EDC3: variants seen among roughly 807,000 people sequenced by gnomAD.
EDC3 encodes the protein enhancer of mRNA-decapping protein 3.
In EDC3, 20 loss-of-function variants were observed where a neutral mutation model predicts 41.8. The observed-to-expected ratio is 0.48, with a 90% confidence interval of 0.34 to 0.70. EDC3 has a LOEUF of 0.70. EDC3 is among the 30% of genes least tolerant of loss of function. The pLI, the probability that EDC3 is intolerant of heterozygous loss-of-function variation, is 0.01. For missense variants in EDC3, 444 were observed against 636.8 expected, an observed-to-expected ratio of 0.70 and a Z score of 3.26; for synonymous variants, 206 against 243.2, an observed-to-expected ratio of 0.85 and a Z score of 1.42.
chr15:74,655,920 A>C lies in EDC3; in HGVS notation c.633T>G (p.Ala211=), dbSNP rs138195822. 737 of 1,614,132 alleles carry C rather than the reference A, an allele frequency of 4.6e-4. 7 individuals are homozygous for C. The highest frequency in any genetic ancestry group is 1.1e-4 in the Non-Finnish European group (135 of 1,180,030). ...DTDFDFEGNL[A]LFDKAAVFEE... ...CAAACACAGCTGCCTTGTCAAAAAG[A>C]GCCAGGTTCCCTTCAAAATCAAAAT... Residue 211 remains alanine, a synonymous_variant, in exon 4 of 7, where the codon GCT becomes GCG. Coordinates refer to ENST00000315127, the MANE Select transcript of EDC3 (RefSeq NM_025083.5).
chr15:74,676,504 TTAA>T (rs1358307026), intron 1 of EDC3, among the ~76,000 whole-genome samples: 279 of 152,250 alleles, frequency 1.8e-3, no homozygotes, highest in African/African-American at 6.5e-3. Context: ...ACACATATTA[TTAA>T]TATCAGAAAT....
chr15:74,634,452 G>T (rs1306863273), intron 6 of EDC3, among the ~76,000 whole-genome samples: 1 of 152,138 alleles, frequency 6.6e-6, no homozygotes, highest in East Asian at 1.9e-4. Context: ...CCTATGGCTT[G>T]TAACTCTAGG....
At chr15:74,689,117 A>G (rs1275480816) in intron 1 of EDC3, among the ~76,000 whole-genome samples, 2 of 152,172 alleles carry the variant, frequency 1.3e-5, no homozygotes, top group Non-Finnish European at 2.9e-5. Flanking sequence ...TCTGCGATGG[A>G]CAAATACATC....
intron 1 of EDC3, among the ~76,000 whole-genome samples, chr15:74,688,234 G>A (rs1264964662): frequency 1.3e-5 from 2 of 152,168 alleles, no homozygotes; most frequent in Non-Finnish European, 2.9e-5. Flanking sequence ...TTCCTAATCG[G>A]ACTAGGGAAG....
intron 4 of EDC3, among the ~76,000 whole-genome samples, chr15:74,653,037 A>G (rs2062500275): frequency 6.6e-6 from 1 of 151,994 alleles, no homozygotes; most frequent in Admixed American, 6.5e-5. Flanking sequence ...AAAATTAGCC[A>G]GGCATGGTGG....
intron 1 of EDC3, among the ~76,000 whole-genome samples, chr15:74,675,669 A>G (rs1262392344): frequency 6.7e-6 from 1 of 150,356 alleles, no homozygotes; most frequent in Non-Finnish European, 1.5e-5. Flanking sequence ...TCACGAGGTC[A>G]CGAGATCAAG....
In EDC3 at chr15:74,671,336, G is replaced by T; in HGVS notation, c.484+119C>A. On this transcript the variant is annotated intron_variant, in intron 3 of 6. Coordinates refer to ENST00000315127, the MANE Select transcript of EDC3 (RefSeq NM_025083.5). The surrounding 1 kb of genome is among the most constrained non-coding windows in gnomAD (Gnocchi z 4.6). ...GAGAACCATGTTGTATTTCTGTGAC[G>T]CTCAGCCAGCATCCATTTTATTGGA... 2.6e-6 allele frequency: 3 copies of T among 1,144,148 alleles called. No individual in the cohort carries two copies. Among genetic ancestry groups the T allele is most frequent in the Non-Finnish European group, 3.7e-6 (3 of 801,056 alleles). The allele number at this position is 1,144,148 out of a possible 1,614,324, so 70.9% of individuals were successfully genotyped here.
intron 1 of EDC3, among the ~76,000 whole-genome samples, chr15:74,681,996 A>G (rs1029345664): frequency 6.6e-6 from 1 of 152,252 alleles, no homozygotes; most frequent in African/African-American, 2.4e-5. Flanking sequence ...AAGACAAAGG[A>G]GTAGTATCTA....
chr15:74,646,044 T>TTTGTTG (rs757224888), intron 4 of EDC3, among the ~76,000 whole-genome samples: 14 of 150,876 alleles, frequency 9.3e-5, no homozygotes, highest in Non-Finnish European at 1.5e-4. Context: ...TCCCAGTCTT[T>TTTGTTG]TTGTTGTTGT....
chr15:74,657,688 T>C (rs1000984861), intron 3 of EDC3, among the ~76,000 whole-genome samples: 1 of 152,198 alleles, frequency 6.6e-6, no homozygotes, highest in Admixed American at 6.5e-5. Context: ...CTTAAATCTA[T>C]GCTTACCCAG....
intron 1 of EDC3, among the ~76,000 whole-genome samples, chr15:74,683,443 G>T (rs1249294850): frequency 6.6e-6 from 1 of 152,218 alleles, no homozygotes; most frequent in Non-Finnish European, 1.5e-5. Context: ...GCTGAGGCAG[G>T]AGAATCACTT....
At chr15:74,652,556 G>C in intron 4 of EDC3, among the ~76,000 whole-genome samples, 1 of 150,104 alleles carries the variant, frequency 6.7e-6, no homozygotes, top group Non-Finnish European at 1.5e-5. Context: ...ACATTTAGAA[G>C]AGAAAAGGAG....
intron 1 of EDC3, among the ~76,000 whole-genome samples, chr15:74,681,309 C>T (rs554254354): frequency 1.6e-4 from 25 of 152,204 alleles, no homozygotes; most frequent in African/African-American, 4.6e-4. Flanking sequence ...CCCACCACCA[C>T]GCCTGGCTAA....
chr15:74,672,105 CAA>C (rs374500243), intron 2 of EDC3, among the ~76,000 whole-genome samples: 93 of 139,010 alleles, frequency 6.7e-4, no homozygotes, highest in Middle Eastern at 3.7e-3. Context: ...ACTAAAAATA[CAA>C]AAAAAAAAAA....
rs1398801476 is a variant in EDC3 at position 74,640,631 on chromosome 15, AAGG to A, written c.821-15_821-13del. ...AACCAGGCCAGAGTCTGCAGTTCAAAAGGAGAAGAGAAAGGGAAAGTGACTACA... is the reference window on the plus strand; with the variant it reads ...AACCAGGCCAGAGTCTGCAGTTCAAAAGAAGAGAAAGGGAAAGTGACTACA... On this transcript the variant is annotated splice_polypyrimidine_tract_variant and intron_variant, in intron 4 of 6. Transcript: ENST00000315127. 3.7e-6 allele frequency: 6 copies of A among 1,614,154 alleles called. No individual in the cohort carries two copies. Among genetic ancestry groups the A allele is most frequent in the Non-Finnish European group, 4.2e-6 (5 of 1,180,000 alleles).
rs138758288 is a variant in EDC3 at position 74,654,440 on chromosome 15, G to A, written c.820+1293C>T. On this transcript the variant is annotated intron_variant, in intron 4 of 6. Transcript: ENST00000315127. ...AGGTAGATAGTTGGCTGATCTGGAG[G>A]AGTACCAGACTTAACAGATGATAAC... Among the ~76,000 whole-genome samples, 314 of 152,284 alleles carry A rather than the reference G, an allele frequency of 2.1e-3. 1 individual carries two copies. Among genetic ancestry groups the A allele is most frequent in the African/African-American group, 7.0e-3 (291 of 41,564 alleles).
At chr15:74,681,625 A>G (rs1425640194) in intron 1 of EDC3, among the ~76,000 whole-genome samples, 2 of 152,242 alleles carry the variant, frequency 1.3e-5, no homozygotes, top group Non-Finnish European at 2.9e-5. Context: ...CTGATTTTTG[A>G]CAAAGTGCAA....
intron 1 of EDC3, among the ~76,000 whole-genome samples, chr15:74,677,651 T>C (rs1166773939): frequency 1.3e-5 from 2 of 152,146 alleles, no homozygotes; most frequent in Non-Finnish European, 2.9e-5. Context: ...TTTATAGGCA[T>C]GAGCCACTGT....
chr15:74,647,079 G>A (rs561048116), intron 4 of EDC3, among the ~76,000 whole-genome samples: 4 of 150,384 alleles, frequency 2.7e-5, no homozygotes, highest in East Asian at 2.0e-4. Context: ...GTGCGATCTC[G>A]GCTTACTGCA....
Sources: gnomAD v4.1 joint callset for allele counts (sites outside exome capture counted in the v4.1 genomes callset) on GRCh38, gnomAD v4.1.1 for gene constraint, Gnocchi (gnomAD v3.1) non-coding constraint, MANE v1.5 for transcripts, NCBI Gene and HGNC (gene_info 2026-07-23, HGNC 2026-07-21) for gene names.